Variants in PRMT8 observed in about 807,000 individuals in gnomAD.
PRMT8 encodes the protein protein arginine N-methyltransferase 8.
Under a neutral mutation model 47.1 loss-of-function variants are expected in PRMT8, and 7 were observed. The ratio of observed to expected loss-of-function variants is 0.15; its 90% CI spans 0.08 to 0.28. The LOEUF (loss-of-function observed/expected upper bound fraction) is 0.28, where lower values mean the gene tolerates loss of function less well. Among genes scored for constraint, PRMT8 ranks in the 10% least tolerant of loss-of-function variants. The pLI, the probability that PRMT8 is intolerant of heterozygous loss-of-function variation, is 1.00. For synonymous variants in PRMT8, 188 were observed against 186.5 expected (o/e 1.01, Z -0.07); for missense variants, 237 against 505.4 (o/e 0.47, Z 5.09).
At chr12:3,417,732 G>T (rs1211944554) in intron 1 of PRMT8, among the ~76,000 whole-genome samples, 1 of 152,190 alleles carries the variant, frequency 6.6e-6, no homozygotes, top group Admixed American at 6.5e-5. Flanking sequence ...CTCCAGTGAG[G>T]TTTATGGGAT....
intron 1 of PRMT8, among the ~76,000 whole-genome samples, chr12:3,474,864 A>G (rs1249707093): frequency 6.6e-6 from 1 of 152,176 alleles, no homozygotes; most frequent in Non-Finnish European, 1.5e-5. Flanking sequence ...GGGACCTGAC[A>G]TATTAGGCTG....
At chr12:3,414,391 C>T (rs543275533) in intron 1 of PRMT8, among the ~76,000 whole-genome samples, 43 of 152,302 alleles carry the variant, frequency 2.8e-4, no homozygotes, top group Non-Finnish European at 5.0e-4. Context: ...ATTTCAATTC[C>T]GACACTATCT....
chr12:3,510,324 G>A (rs1218845453), intron 1 of PRMT8, among the ~76,000 whole-genome samples: 1 of 152,064 alleles, frequency 6.6e-6, no homozygotes, highest in Non-Finnish European at 1.5e-5. Context: ...TTTATAATAA[G>A]GTCTAGGGTT....
At chr12:3,432,054 C>T (rs1272221607) in intron 1 of PRMT8, among the ~76,000 whole-genome samples, 1 of 152,140 alleles carries the variant, frequency 6.6e-6, no homozygotes, top group Non-Finnish European at 1.5e-5. Context: ...GGGGCAAGTG[C>T]CCCCAAGTCC....
Position 3,493,203 on chromosome 12 carries a change from C to G in PRMT8, c.75+1503C>G, listed in dbSNP as rs114203035. ...GGGCAAAGCCTGCGTGCCCGCCGTC[C>G]CCTCACCACTTCCTCTTCCCCAGCC... is the stretch of plus-strand genomic sequence containing the variant. On this transcript the variant is annotated intron_variant, in intron 1 of 9. Coordinates refer to ENST00000382622, the MANE Select transcript of PRMT8 (RefSeq NM_019854.5). The surrounding 1 kb of genome is among the most constrained non-coding windows in gnomAD (Gnocchi z 8.2). Among the ~76,000 whole-genome samples the G allele has an allele frequency of 0.013, 1,971 of 152,286 alleles. 42 individuals carry two copies. Among genetic ancestry groups the G allele is most frequent in the African/African-American group, 0.045 (1,872 of 41,564 alleles).
chr12:3,473,644 A>G (rs1001261723), intron 1 of PRMT8, among the ~76,000 whole-genome samples: 4 of 152,102 alleles, frequency 2.6e-5, no homozygotes, highest in African/African-American at 9.7e-5. Context: ...CTGCACGGCC[A>G]CCTGTCACCT....
Position 3,491,632 on chromosome 12 carries a change from A to C in PRMT8, c.7A>C (p.Met3Leu). The C allele has an allele frequency of 6.2e-7, 1 of 1,612,268 alleles. No individual in the cohort carries two copies. Among genetic ancestry groups the C allele is most frequent in the Non-Finnish European group, 8.5e-7 (1 of 1,179,654 alleles). MGMKHSSRCLLLR... is the reference protein window; with the variant it reads MGLKHSSRCLLLR... ...CAAACCCTTGCCGGCTCTTATGGGC[A>C]TGAAACACTCCTCCCGCTGCCTGCT... The change falls in exon 1 of 10, where the codon ATG becomes CTG. Residue 3 changes from methionine to leucine, a missense_variant. Transcript: ENST00000382622.
intron 1 of PRMT8, among the ~76,000 whole-genome samples, chr12:3,512,639 C>T (rs563972152): frequency 1.1e-4 from 16 of 152,336 alleles, no homozygotes; most frequent in African/African-American, 2.2e-4. Flanking sequence ...ACACTGTTTA[C>T]GTCCATCTCC....
intron 1 of PRMT8, among the ~76,000 whole-genome samples, chr12:3,534,684 C>T (rs944657849): frequency 3.9e-5 from 6 of 152,218 alleles, no homozygotes; most frequent in African/African-American, 1.4e-4. Flanking sequence ...TAGTTATTGC[C>T]TGTTGACTCT....
In PRMT8 at chr12:3,540,702, C is replaced by T. The variant is rs762604837; in HGVS notation, c.172C>T (p.Arg58Trp). The T allele has an allele frequency of 5.6e-6, 9 of 1,612,996 alleles. No homozygotes were observed. Among genetic ancestry groups the T allele is most frequent in the Non-Finnish European group, 7.6e-6 (9 of 1,179,714 alleles). Reference protein sequence around the residue: ...HVSTQPSCPGRGKMSKLLNPE... With the variant: ...HVSTQPSCPGWGKMSKLLNPE... ...GTCCACTCAACCCAGCTGCCCAGGA[C>T]GGGGCAAGATGTCCAAGCTGCTGAA... Residue 58 changes from arginine to tryptophan, a missense_variant, in exon 2 of 10, where the codon CGG becomes TGG. Around this residue, in one of 5 missense-constraint regions of PRMT8, gnomAD observed 32 missense variants for 73.7 expected, o/e 0.43. Coordinates refer to ENST00000382622, the MANE Select transcript of PRMT8 (RefSeq NM_019854.5).
intron 1 of PRMT8, among the ~76,000 whole-genome samples, chr12:3,387,997 C>A (rs1036921409): frequency 2.6e-5 from 4 of 151,866 alleles, no homozygotes; most frequent in African/African-American, 9.7e-5. Context: ...TTCAAATTTG[C>A]CTTATTTCCT....
chr12:3,416,503 T>G (rs1864485216), intron 1 of PRMT8, among the ~76,000 whole-genome samples: 1 of 152,200 alleles, frequency 6.6e-6, no homozygotes, highest in Non-Finnish European at 1.5e-5. Context: ...ATGTCTTGTA[T>G]GAGGCAGGCA....
At chr12:3,451,584 A>G (rs955261019) in intron 1 of PRMT8, among the ~76,000 whole-genome samples, 4 of 152,176 alleles carry the variant, frequency 2.6e-5, no homozygotes, top group Non-Finnish European at 2.9e-5. Context: ...TTGACCTACA[A>G]GGACTCAAAC....
At position 3,568,800 on chromosome 12, in the gene PRMT8, C is replaced by G. The variant is rs1309845513; in HGVS notation, c.576C>G (p.Phe192Leu). The change falls in exon 5 of 10, where the codon TTC becomes TTG. Residue 192 changes from phenylalanine to leucine, a missense_variant. This residue lies in a region of PRMT8 where 151 missense variants were observed against 341.1 expected (regional missense o/e 0.44). Coordinates refer to ENST00000382622, the MANE Select transcript of PRMT8 (RefSeq NM_019854.5). ...GCGAGTGGATGGGCTACTGTCTGTT[C>G]TATGAGTCCATGCTCAACACGGTGA... is the stretch of plus-strand genomic sequence containing the variant. ...IISEWMGYCL[F>L]YESMLNTVIF... 6.2e-7 allele frequency: 1 copy of G among 1,614,104 alleles called. No homozygotes were observed. The highest frequency in any genetic ancestry group is 1.3e-5 in the African/African-American group (1 of 74,930).
chr12:3,415,195 T>C (rs1434276326), intron 1 of PRMT8, among the ~76,000 whole-genome samples: 2 of 151,912 alleles, frequency 1.3e-5, no homozygotes, highest in Non-Finnish European at 2.9e-5. Flanking sequence ...TCACAAAGGG[T>C]ACAGATGAAG....
chr12:3,531,684 G>A lies in PRMT8; in HGVS notation c.76-8922G>A, dbSNP rs373335871. 1.6e-4 allele frequency among the ~76,000 whole-genome samples: 24 copies of A among 152,328 alleles called. No individual in the cohort carries two copies. The South Asian group carries it at 4.8e-3, about 30-fold the overall frequency. ...TGCAGCTGCTGAGGGCGGCCTTCGC[G>A]TCAAGCGTCTCAGTGACCCTGGTCA... On this transcript the variant is annotated intron_variant, in intron 1 of 9. Coordinates refer to ENST00000382622, the MANE Select transcript of PRMT8 (RefSeq NM_019854.5).
chr12:3,455,385 G>T (rs776536448), intron 1 of PRMT8, among the ~76,000 whole-genome samples: 7 of 152,178 alleles, frequency 4.6e-5, no homozygotes, highest in Non-Finnish European at 8.8e-5. Context: ...TGGAAGGCAA[G>T]AGGGGAAGAG....
chr12:3,452,613 C>T (rs1368959234), intron 1 of PRMT8, among the ~76,000 whole-genome samples: 3 of 152,196 alleles, frequency 2.0e-5, no homozygotes, highest in South Asian at 2.1e-4. Context: ...AGCCTCACAT[C>T]TCAGGATTGT....
intron 1 of PRMT8, among the ~76,000 whole-genome samples, chr12:3,529,919 C>T (rs117864177): frequency 6.2e-4 from 94 of 152,222 alleles, no homozygotes; most frequent in East Asian, 4.6e-3. Flanking sequence ...TTGTACTACA[C>T]GGGTGCAAAG....
Sources: allele counts gnomAD v4.1 joint callset (sites outside exome capture counted in the v4.1 genomes callset), GRCh38; gene constraint gnomAD v4.1.1; regional missense constraint gnomAD v4.1.1; non-coding constraint Gnocchi (gnomAD v3.1); transcripts MANE v1.5; gene names NCBI Gene and HGNC (gene_info 2026-07-23, HGNC 2026-07-21).